Variants in ZER1 observed in about 807,000 individuals in gnomAD.
ZER1 encodes zyg-11 related cell cycle regulator, also known as protein zer-1 homolog.
ZER1 carries 11 observed loss-of-function variants against 78.8 expected under a neutral mutation model. That is an observed-to-expected ratio of 0.14 (90% CI 0.09 to 0.23). The LOEUF (loss-of-function observed/expected upper bound fraction) is 0.23. Among genes scored for constraint, ZER1 ranks in the 10% least tolerant of loss-of-function variants. The pLI is 1.00. For synonymous variants in ZER1, 400 were observed against 407.0 expected, an observed-to-expected ratio of 0.98 and a Z score of 0.21; for missense variants, 588 against 996.9, an observed-to-expected ratio of 0.59 and a Z score of 5.52.
chr9:128,742,521 C>G lies in ZER1; in HGVS notation c.1575+9G>C, dbSNP rs151193282. On this transcript the variant is annotated intron_variant, in intron 9 of 15. Coordinates refer to ENST00000291900, the MANE Select transcript of ZER1 (RefSeq NM_006336.4). ...TCAGGAGGAAGGGGGCAGCGCCCCC[C>G]ACACGTACCACGACAAAGCCCATCT... is the stretch of plus-strand genomic sequence containing the variant. 8.7e-4 allele frequency: 1,399 copies of G among 1,613,284 alleles called. 4 individuals carry two copies. In the African/African-American group the frequency reaches 0.012, roughly 14 times the overall value.
At chr9:128,750,161 A>G (rs181329810) in intron 8 of ZER1, among the ~76,000 whole-genome samples, 17 of 152,352 alleles carry the variant, frequency 1.1e-4, no homozygotes, top group Admixed American at 1.0e-3. Context: ...CATTTACAAA[A>G]TATGTGTGCA....
chr9:128,755,286 C>G lies in ZER1; in HGVS notation c.158+122G>C, dbSNP rs1589536807. 3 of 1,390,800 alleles carry G rather than the reference C, an allele frequency of 2.2e-6. No homozygotes were observed. In the East Asian group the frequency reaches 6.9e-5, roughly 32 times the overall value. The allele number at this position is 1,390,800 out of a possible 1,614,324, so 86.2% of individuals were successfully genotyped here. A position where few individuals can be genotyped will look rare whatever the true frequency, so the allele number is the denominator to read the frequency against. Reference sequence around the variant, plus strand: ...GCAGCCATGAACATCCATGTGCACACACACACACCCTCACACATTCATCTC... The same window carrying G: ...GCAGCCATGAACATCCATGTGCACAGACACACACCCTCACACATTCATCTC... On this transcript the variant is annotated intron_variant, in intron 2 of 15. Transcript: ENST00000291900. The surrounding 1 kb of genome is among the most constrained non-coding windows in gnomAD (Gnocchi z 5.6).
intron 1 of ZER1, among the ~76,000 whole-genome samples, chr9:128,767,242 CTATT>C (rs1336751081): frequency 6.6e-6 from 1 of 151,144 alleles, no homozygotes. Context: ...TGCGGTCGGC[CTATT>C]TATTTATTTT....
chr9:128,734,524 G>A (rs1333248847), intron 14 of ZER1, among the ~76,000 whole-genome samples: 2 of 151,458 alleles, frequency 1.3e-5, no homozygotes, highest in African/African-American at 4.9e-5. Flanking sequence ...AGTAGAGACA[G>A]GGTTGCGCTG....
At chr9:128,750,863 G>T in intron 7 of ZER1, 74 bp from the exon 8 acceptor site, 2 of 1,577,130 alleles carry the variant, frequency 1.3e-6, no homozygotes, top group Non-Finnish European at 1.7e-6. Flanking sequence ...GCTGGAACAG[G>T]CTCTCTGGGG....
chr9:128,746,449 CTTCTT>C (rs1437733250), intron 8 of ZER1, among the ~76,000 whole-genome samples: 3 of 146,514 alleles, frequency 2.0e-5, no homozygotes, highest in African/African-American at 7.5e-5. Flanking sequence ...CTTTTTCTCT[CTTCTT>C]TTCCTTTTTT....
intron 1 of ZER1, among the ~76,000 whole-genome samples, chr9:128,763,033 T>C (rs1342894808): frequency 1.3e-5 from 2 of 152,196 alleles, no homozygotes; most frequent in Admixed American, 6.5e-5. Flanking sequence ...CATCATTCAC[T>C]GTCCTGGCAA....
intron 8 of ZER1, among the ~76,000 whole-genome samples, chr9:128,749,820 G>A (rs1363004463): frequency 1.3e-5 from 2 of 152,118 alleles, no homozygotes; most frequent in African/African-American, 2.4e-5. Flanking sequence ...GAGGCAGGTG[G>A]ATCACCTGAG....
At chr9:128,739,269 G>A in intron 13 of ZER1, among the ~76,000 whole-genome samples, 1 of 151,848 alleles carries the variant, frequency 6.6e-6, no homozygotes, top group East Asian at 2.0e-4. Context: ...TTGGGAGGCC[G>A]ACGTGGGCGG....
At position 128,753,105 on chromosome 9, in the gene ZER1, T is replaced by C. The variant is rs920685092; in HGVS notation, c.746+59A>G. On this transcript the variant is annotated intron_variant, in intron 4 of 15. Coordinates refer to ENST00000291900, the MANE Select transcript of ZER1 (RefSeq NM_006336.4). This position sits in a 1 kb window ranked among gnomAD's most constrained non-coding sequence, Gnocchi z 7.5. ...CTGAGGGCGTGACAACACCCACCTC[T>C]ACTCCTCCCCACCTGCCCCCCAAAC... 6.9e-7 allele frequency: 1 copy of C among 1,459,298 alleles called. No homozygotes were observed. The highest frequency in any genetic ancestry group is 9.1e-7 in the Non-Finnish European group (1 of 1,099,880). 90.4% of individuals were successfully genotyped at this position (1,459,298 alleles called of 1,614,324 possible).
At position 128,742,762 on chromosome 9, in the gene ZER1, C is replaced by T. The variant is rs1353080617; in HGVS notation, c.1360-17G>A. 5 of 1,587,476 alleles carry T rather than the reference C, an allele frequency of 3.1e-6. No individual in the cohort carries two copies. The African/African-American group carries it at 5.4e-5, about 17-fold the overall frequency. On this transcript the variant is annotated splice_polypyrimidine_tract_variant and intron_variant, in intron 8 of 15. Transcript: ENST00000291900. ...CCGCTGCACCTGGGCCGGGACAGGA[C>T]ACAAGTGGGGCACATTCAGGGTCAG...
At chr9:128,742,509 G>A (rs753536763) in intron 9 of ZER1, 21 bp downstream of exon 9, 1 of 1,612,896 alleles carries the variant, frequency 6.2e-7, no homozygotes, top group Non-Finnish European at 8.5e-7. Flanking sequence ...GGAGGAAGGG[G>A]GCAGCGCCCC....
At chr9:128,734,199 A>G (rs1437698554) in intron 14 of ZER1, among the ~76,000 whole-genome samples, 2 of 111,630 alleles carry the variant, frequency 1.8e-5, no homozygotes, top group Non-Finnish European at 3.8e-5. Flanking sequence ...TATATAATAG[A>G]TATAATTTTT....
At chr9:128,746,860 T>A (rs1863509969) in intron 8 of ZER1, among the ~76,000 whole-genome samples, 1 of 152,018 alleles carries the variant, frequency 6.6e-6, no homozygotes, top group Non-Finnish European at 1.5e-5. Context: ...GGTCTTGAAT[T>A]CCTGACCTCA....
intron 13 of ZER1, 82 bp downstream of exon 13, chr9:128,739,849 G>A (rs1863229235): frequency 1.3e-6 from 2 of 1,505,090 alleles, no homozygotes; most frequent in Admixed American, 2.0e-5. Flanking sequence ...GGAGCTCTGA[G>A]CAGACCTTAA....
chr9:128,753,660 C>T lies in ZER1; in HGVS notation c.310-60G>A. On this transcript the variant is annotated intron_variant, in intron 3 of 15. Coordinates refer to ENST00000291900, the MANE Select transcript of ZER1 (RefSeq NM_006336.4). The surrounding 1 kb of genome is among the most constrained non-coding windows in gnomAD (Gnocchi z 7.5). ...CCTTGCCCCTTCCCCCGGCCCCAGG[C>T]CTTGCCCTGGGCTACAGGTGGGTTG... is the stretch of plus-strand genomic sequence containing the variant. 6.3e-7 allele frequency: 1 copy of T among 1,585,244 alleles called. No homozygotes were observed. The highest frequency in any genetic ancestry group is 1.1e-5 in the South Asian group (1 of 87,994).
chr9:128,738,566 T>C (rs1050465731), intron 13 of ZER1, among the ~76,000 whole-genome samples: 1 of 146,586 alleles, frequency 6.8e-6, no homozygotes, highest in Non-Finnish European at 1.5e-5. Flanking sequence ...TTTGTATTTT[T>C]AGTAGAGGTG....
At chr9:128,761,174 G>T (rs1213015891) in intron 1 of ZER1, among the ~76,000 whole-genome samples, 1 of 151,050 alleles carries the variant, frequency 6.6e-6, no homozygotes, top group East Asian at 1.9e-4. Flanking sequence ...AAAAAAAAAG[G>T]GAGGGGGGGA....
In ZER1 at chr9:128,753,992, G is replaced by A. The variant is rs1339743123; in HGVS notation, c.159-33C>T. The A allele has an allele frequency of 5.1e-6, 8 of 1,563,048 alleles. No individual in the cohort carries two copies. Among genetic ancestry groups the A allele is most frequent in the Non-Finnish European group, 1.7e-6 (2 of 1,153,532 alleles). On this transcript the variant is annotated intron_variant, in intron 2 of 15. Coordinates refer to ENST00000291900, the MANE Select transcript of ZER1 (RefSeq NM_006336.4). The surrounding 1 kb of genome is among the most constrained non-coding windows in gnomAD (Gnocchi z 7.5). Reference sequence around the variant, plus strand: ...AGAAAAAAGCCTGGCTCAGGAGAGGGCCACAGGGACTCTCATCCTCGCTTC... The same window carrying A: ...AGAAAAAAGCCTGGCTCAGGAGAGGACCACAGGGACTCTCATCCTCGCTTC...
Sources: allele counts gnomAD v4.1 joint callset (sites outside exome capture counted in the v4.1 genomes callset), GRCh38; gene constraint gnomAD v4.1.1; non-coding constraint Gnocchi (gnomAD v3.1); transcripts MANE v1.5; gene names NCBI Gene and HGNC (gene_info 2026-07-23, HGNC 2026-07-21).